CATSPERG: variants seen among roughly 807,000 people sequenced by gnomAD.
CATSPERG encodes catsper channel auxiliary subunit gamma.
A neutral mutation model predicts 145.0 loss-of-function variants in CATSPERG; 115 were observed. The ratio of observed to expected loss-of-function variants is 0.79; its 90% CI spans 0.68 to 0.93. CATSPERG has a LOEUF of 0.93. Ranked by LOEUF, CATSPERG falls within the 40% of genes least tolerant of loss-of-function variation. The pLI, the probability that CATSPERG is intolerant of heterozygous loss-of-function variation, is 0.00. For synonymous variants in CATSPERG, 588 were observed against 589.0 expected (o/e 1.00, Z 0.02); for missense variants, 1,296 against 1,490.1 (o/e 0.87, Z 2.14).
chr19:38,356,036 G>T (rs1970237072), intron 9 of CATSPERG, among the ~76,000 whole-genome samples: 1 of 152,086 alleles, frequency 6.6e-6, no homozygotes, highest in Admixed American at 6.6e-5. Context: ...TTTTTGTAAA[G>T]GTCTTAGTGC....
rs372850661 is a variant in CATSPERG at position 38,370,624 on chromosome 19, G to C, written c.3312G>C (p.Lys1104Asn). The change falls in exon 29 of 29, where the codon AAG becomes AAC. Residue 1104 changes from lysine (K) to asparagine (N), a missense_variant. Transcript: ENST00000409235. ...AGGGCTGCACGATGATCCGGTGGAA[G>C]ATAAACAACCTCATTGCCTCAGAAT... is the stretch of plus-strand genomic sequence containing the variant. ...VVKGCTMIRW[K>N]INNLIASESY... 1.2e-6 allele frequency: 2 copies of C among 1,614,210 alleles called. No individual in the cohort carries two copies. Among genetic ancestry groups the C allele is most frequent in the East Asian group, 4.5e-5 (2 of 44,882 alleles).
intron 6 of CATSPERG, 62 bp from the exon 7 acceptor site, chr19:38,346,388 A>G (rs897436796): frequency 1.4e-6 from 2 of 1,452,914 alleles, no homozygotes; most frequent in Non-Finnish European, 9.2e-7. Flanking sequence ...TTGGACCTAA[A>G]TGAGATGGAG....
chr19:38,353,049 AAAAG>A (rs1970175057), intron 8 of CATSPERG, among the ~76,000 whole-genome samples: 1 of 146,848 alleles, frequency 6.8e-6, no homozygotes. Context: ...AAAAAAAAAA[AAAAG>A]CTGGGCATGG....
chr19:38,370,729 C>A lies in CATSPERG; in HGVS notation c.3417C>A (p.Ser1139Arg), dbSNP rs762207975. The stretch of plus-strand genomic sequence containing the variant: ...ATTCCAGGATGGGCTCCATGTTCAG[C>A]TCCAGGATGACAGAGGACAGGGCTG... ...LRHSRMGSMF[S>R]SRMTEDRAEP... is the part of the protein sequence containing the mutation. The change falls in exon 29 of 29, where the codon AGC becomes AGA. Residue 1139 changes from serine to arginine, a missense_variant. Ser to Arg is a moderately radical substitution (Grantham distance 110). Coordinates refer to ENST00000409235, the MANE Select transcript of CATSPERG (RefSeq NM_021185.5). 1 of 1,614,094 alleles carries A rather than the reference C, an allele frequency of 6.2e-7. No homozygotes were observed. The highest frequency in any genetic ancestry group is 1.1e-5 in the South Asian group (1 of 91,078).
At chr19:38,368,017 C>T in intron 25 of CATSPERG, 31 bp from the exon 26 acceptor site, 1 of 1,605,264 alleles carries the variant, frequency 6.2e-7, no homozygotes, top group East Asian at 2.2e-5. Context: ...CGCCCCCCAA[C>T]CCCTGGCTGA....
chr19:38,348,992 GGTTT>G (rs1187763514), intron 7 of CATSPERG: 3 of 151,972 alleles, frequency 2.0e-5, no homozygotes, highest in African/African-American at 7.3e-5. Context: ...ATAAACCCTG[GGTTT>G]GTTTTTATTT....
rs558203388 is a variant in CATSPERG, at chr19:38,356,779, G to A, written c.1233G>A (p.Ala411=). 52 of 1,614,188 alleles carry A rather than the reference G, an allele frequency of 3.2e-5. No homozygotes were observed. In the East Asian group the frequency reaches 5.1e-4, roughly 16 times the overall value. ...TCSIIWSEYI[A]GEYTLLLLVE... is the part of the protein sequence containing the mutation. ...CCATAATTTGGTCTGAATACATCGC[G>A]GGTGAGTATACTCTACTGCTGCTGG... is the stretch of plus-strand genomic sequence containing the variant. The change falls in exon 11 of 29, where the codon GCG becomes GCA. Residue 411 remains alanine, a synonymous_variant. Coordinates refer to ENST00000409235, the MANE Select transcript of CATSPERG (RefSeq NM_021185.5).
Position 38,370,050 on chromosome 19 carries a change from GT to G in CATSPERG, c.3101del (p.Leu1034TrpfsTer2), listed in dbSNP as rs747409639. 2.5e-6 allele frequency: 4 copies of G among 1,614,100 alleles called. No individual in the cohort carries two copies. The African/African-American group carries it at 5.3e-5, about 22-fold the overall frequency. On this transcript the variant is annotated frameshift_variant, in exon 27 of 29. Transcript: ENST00000409235. LOFTEE classifies it high-confidence loss of function. ...TTGCCCCTGAATTCTTCTTCAAGGT[GT>G]TGGTGAGCAATAGGTGAGCCAGGCA... ...IFAPEFFFKV[L>X]VSNRGVDTST... is the part of the protein sequence containing the mutation.
At chr19:38,359,371 C>G in intron 13 of CATSPERG, 99 bp from the exon 14 acceptor site, 1 of 733,388 alleles carries the variant, frequency 1.4e-6, no homozygotes, top group East Asian at 2.8e-5. Context: ...CATGTTCTTA[C>G]AAGTGGAGAA....
chr19:38,352,240 C>A, intron 7 of CATSPERG, 21 bp from the exon 8 acceptor site: 1 of 1,550,314 alleles, frequency 6.5e-7, no homozygotes. Context: ...CTGCTCACCA[C>A]TAGCCTCTGC....
chr19:38,364,996 G>T, intron 21 of CATSPERG, 25 bp downstream of exon 21: 1 of 1,613,302 alleles, frequency 6.2e-7, no homozygotes, highest in Non-Finnish European at 8.5e-7. Context: ...TGGAGGGGAG[G>T]GTGCAGGATG....
At chr19:38,352,175 G>A in intron 7 of CATSPERG, 86 bp from the exon 8 acceptor site, 2 of 1,367,262 alleles carry the variant, frequency 1.5e-6, no homozygotes, top group Admixed American at 4.2e-5. Context: ...CCAAGCAGCT[G>A]TCAGAGCAGG....
chr19:38,364,893 T>C lies in CATSPERG; in HGVS notation c.2478T>C (p.Ile826=). 6.2e-7 allele frequency: 1 copy of C among 1,613,278 alleles called. No homozygotes were observed. Among genetic ancestry groups the C allele is most frequent in the Non-Finnish European group, 8.5e-7 (1 of 1,179,186 alleles). Residue 826 remains isoleucine, a splice_region_variant and synonymous_variant, in exon 21 of 29, where the codon ATT becomes ATC. Coordinates refer to ENST00000409235, the MANE Select transcript of CATSPERG (RefSeq NM_021185.5). ...LINRNSVLFS[I]TLKDKKLCYD... ...CCTCTCCCCTCCTTCAACCCCAGAT[T>C]ACGCTCAAGGATAAAAAGCTTTGCT...
At chr19:38,356,601 GA>G in intron 10 of CATSPERG, 58 bp downstream of exon 10, 1 of 1,600,378 alleles carries the variant, frequency 6.2e-7, no homozygotes, top group Non-Finnish European at 8.5e-7. Flanking sequence ...GGATGCAGAA[GA>G]GCAGGGGAGG....
Position 38,362,786 on chromosome 19 carries a change from CG to C in CATSPERG, c.2431del (p.Val811Ter). 1 of 1,612,434 alleles carries C rather than the reference CG, an allele frequency of 6.2e-7. No homozygotes were observed. The highest frequency in any genetic ancestry group is 8.5e-7 in the Non-Finnish European group (1 of 1,179,380). Reference protein sequence around the residue: ...VLADPGCIEASVKQEVLINRN... With the variant: ...VLADPGCIEAXVKQEVLINRN... ...GCCGACCCCGGCTGCATCGAGGCCT[CG>C]GTGAAGCAGGAGGTCCTGATTAATC... is the stretch of plus-strand genomic sequence containing the variant. On this transcript the variant is annotated frameshift_variant, in exon 20 of 29. Coordinates refer to ENST00000409235, the MANE Select transcript of CATSPERG (RefSeq NM_021185.5). LOFTEE classifies it high-confidence loss of function.
At chr19:38,359,644 C>CT (rs1272997418) in intron 14 of CATSPERG, 63 bp downstream of exon 14, 1 of 1,541,716 alleles carries the variant, frequency 6.5e-7, no homozygotes, top group Admixed American at 1.9e-5. Flanking sequence ...AGGGGCCCCT[C>CT]TTTCCCCCGT....
At position 38,367,741 on chromosome 19, in the gene CATSPERG, G is replaced by C. The variant is rs760464118; in HGVS notation, c.2895G>C (p.Glu965Asp). 14 of 1,614,000 alleles carry C rather than the reference G, an allele frequency of 8.7e-6. No homozygotes were observed. The highest frequency in any genetic ancestry group is 1.1e-5 in the Non-Finnish European group (13 of 1,180,006). ...TGGACAGCCTCAAGGACTACAGTGA[G>C]GACGAAATCTACCGCTTCAACAGCC... ...PTLDSLKDYS[E>D]DEIYRFNSPL... Residue 965 changes from glutamate to aspartate, a missense_variant, in exon 25 of 29, where the codon GAG (glutamate) becomes GAC (aspartate). Coordinates refer to ENST00000409235, the MANE Select transcript of CATSPERG (RefSeq NM_021185.5).
At chr19:38,339,560 G>T (rs917144431) in intron 3 of CATSPERG, among the ~76,000 whole-genome samples, 8 of 152,116 alleles carry the variant, frequency 5.3e-5, no homozygotes, top group African/African-American at 1.9e-4. Context: ...TGCCTCCTGG[G>T]TTCTAAGCGA....
rs1046649583 is a variant in CATSPERG at position 38,362,458 on chromosome 19, A to G, written c.2240A>G (p.Asn747Ser). 9.9e-6 allele frequency: 16 copies of G among 1,613,670 alleles called. No homozygotes were observed. Among genetic ancestry groups the G allele is most frequent in the Non-Finnish European group, 1.4e-5 (16 of 1,179,964 alleles). Residue 747 changes from asparagine (N) to serine (S), a missense_variant, in exon 19 of 29, where the codon AAC (asparagine) becomes AGC (serine). Physicochemically the swap from Asn to Ser is conservative, Grantham distance 46. Transcript: ENST00000409235. ...ATGGACAGCTACGAAAAGATCTACA[A>G]CCTCGAGTCCGCGTACGAGCTGCCG... ...IEMDSYEKIY[N>S]LESAYELPER...
Sources: allele counts gnomAD v4.1 joint callset (sites outside exome capture counted in the v4.1 genomes callset), GRCh38; gene constraint gnomAD v4.1.1; transcripts MANE v1.5; gene names NCBI Gene and HGNC (gene_info 2026-07-23, HGNC 2026-07-21).